Variants in SNX29 observed in about 807,000 individuals in gnomAD.
SNX29 encodes sorting nexin 29.
In SNX29, 78 loss-of-function variants were observed where a neutral mutation model predicts 102.1. The observed-to-expected ratio is 0.76, with a 90% CI of 0.64 to 0.92. The LOEUF is 0.92. Among genes scored for constraint, SNX29 ranks in the 40% least tolerant of loss-of-function variants. The pLI is 0.00. For missense variants in SNX29, 1,280 were observed against 1,061.7 expected (o/e 1.21, Z -2.86); for synonymous variants, 580 against 414.5 (o/e 1.40, Z -4.85).
At chr16:12,027,205 G>C (rs879833251) in intron 3 of SNX29, 115 bp from the exon 4 acceptor site, 312 of 1,300,552 alleles carry the variant, frequency 2.4e-4, no homozygotes, top group Non-Finnish European at 3.2e-4. Context: ...TCTCCTGTCT[G>C]CCTTCACGCT....
At chr16:12,527,952 G>A (rs957275796) in intron 20 of SNX29, among the ~76,000 whole-genome samples, 1 of 150,400 alleles carries the variant, frequency 6.6e-6, no homozygotes, top group Non-Finnish European at 1.5e-5. Flanking sequence ...AGCCTCCCGA[G>A]TAGCTGGGAC....
chr16:12,516,207 T>C (rs2089857060), intron 19 of SNX29, among the ~76,000 whole-genome samples: 1 of 152,028 alleles, frequency 6.6e-6, no homozygotes, highest in Admixed American at 6.6e-5. Context: ...AGACCAGGCG[T>C]GGTGGCTCAC....
intron 19 of SNX29, among the ~76,000 whole-genome samples, chr16:12,517,807 G>A (rs1249516536): frequency 1.3e-5 from 2 of 152,114 alleles, no homozygotes; most frequent in East Asian, 3.9e-4. Flanking sequence ...CTGGATCAGA[G>A]AGGGCCTGGG....
At chr16:12,432,306 T>C (rs1347078565) in intron 18 of SNX29, among the ~76,000 whole-genome samples, 6 of 152,238 alleles carry the variant, frequency 3.9e-5, no homozygotes, top group African/African-American at 1.4e-4. Flanking sequence ...TGACCCTGGT[T>C]CTCCAGAAAC....
chr16:12,558,211 C>T (rs1013958883), intron 20 of SNX29, among the ~76,000 whole-genome samples: 3 of 116,822 alleles, frequency 2.6e-5, no homozygotes, highest in South Asian at 6.1e-4. Context: ...CCAGCAGAAC[C>T]ATCACAGAGC....
chr16:12,040,328 T>C (rs991763649), intron 4 of SNX29, among the ~76,000 whole-genome samples: 2 of 152,082 alleles, frequency 1.3e-5, no homozygotes, highest in African/African-American at 4.8e-5. Flanking sequence ...CAGTGAGCTG[T>C]CCAGCCTGGG....
intron 14 of SNX29, among the ~76,000 whole-genome samples, chr16:12,234,607 T>C (rs958734844): frequency 3.3e-5 from 5 of 152,236 alleles, no homozygotes; most frequent in African/African-American, 1.2e-4. Flanking sequence ...TCATGTACTT[T>C]TGGCATCATA....
intron 15 of SNX29, among the ~76,000 whole-genome samples, chr16:12,320,208 G>A (rs1352449156): frequency 6.6e-6 from 1 of 152,156 alleles, no homozygotes; most frequent in Admixed American, 6.5e-5. Context: ...CTCTGTGCAG[G>A]TGTCCTTCCA....
intron 16 of SNX29, among the ~76,000 whole-genome samples, chr16:12,379,423 A>G (rs4781218): frequency 0.66 from 100,929 of 152,096 alleles, 33,751 homozygotes; most frequent in East Asian, 0.73. Context: ...ATTCCCAGCC[A>G]TTTTCCTTTC....
chr16:12,214,085 C>T (rs1212602122), intron 14 of SNX29, among the ~76,000 whole-genome samples: 1 of 152,146 alleles, frequency 6.6e-6, no homozygotes, highest in Non-Finnish European at 1.5e-5. Flanking sequence ...GTCTCTCTGG[C>T]GACCTCCATT....
At chr16:12,301,551 T>G (rs1010963251) in intron 15 of SNX29, among the ~76,000 whole-genome samples, 1 of 152,270 alleles carries the variant, frequency 6.6e-6, no homozygotes, top group Non-Finnish European at 1.5e-5. Flanking sequence ...TCTGTCTGAC[T>G]AATCCATTGT....
rs1171713541 is a variant in SNX29, at chr16:12,569,573, A to C, written c.*944A>C. The C allele has an allele frequency of 4.3e-6, 1 of 230,668 alleles. No homozygotes were observed. The highest frequency in any genetic ancestry group is 8.6e-6 in the Non-Finnish European group (1 of 116,524). The allele number at this position is 230,668 out of a possible 1,614,324, so 14.3% of individuals were successfully genotyped here. On this transcript the variant is annotated 3_prime_UTR_variant, in exon 21 of 21. Coordinates refer to ENST00000566228, the MANE Select transcript of SNX29 (RefSeq NM_032167.5). ...TAACAGATCATGTGTCTCTCCACTA[A>C]AAACATTTTCCATCCCGTCTGCCCC...
chr16:12,319,036 G>A (rs1596888143), intron 15 of SNX29, among the ~76,000 whole-genome samples: 2 of 152,268 alleles, frequency 1.3e-5, no homozygotes, highest in South Asian at 4.1e-4. Flanking sequence ...GAGGCCTGGG[G>A]AGTTTCTTCA....
At chr16:12,187,396 AGT>A (rs1357592445) in intron 13 of SNX29, among the ~76,000 whole-genome samples, 1 of 152,188 alleles carries the variant, frequency 6.6e-6, no homozygotes, top group Non-Finnish European at 1.5e-5. Flanking sequence ...CTCTACTAAA[AGT>A]ACAAAATTAG....
At chr16:12,279,641 G>A (rs1488536181) in intron 15 of SNX29, among the ~76,000 whole-genome samples, 1 of 152,222 alleles carries the variant, frequency 6.6e-6, no homozygotes, top group African/African-American at 2.4e-5. Context: ...CCCAATCTCA[G>A]GATTGGGACG....
intron 14 of SNX29, among the ~76,000 whole-genome samples, chr16:12,269,478 TCTTACTGACCTATCTTTCTACATTGTG>T (rs1288913339): frequency 6.6e-6 from 1 of 152,114 alleles, no homozygotes; most frequent in Admixed American, 6.5e-5. Flanking sequence ...ATAAGATAGG[TCTTACTGACCTATCTTTCTACATTGTG>T]CTTAAAGCAC....
chr16:12,074,206 G>A (rs1051988976), intron 10 of SNX29, among the ~76,000 whole-genome samples: 9 of 151,338 alleles, frequency 5.9e-5, no homozygotes, highest in African/African-American at 1.9e-4. Flanking sequence ...ATTTGATCCT[G>A]TCATTATGAT....
At chr16:12,558,615 G>C (rs1213558232) in intron 20 of SNX29, among the ~76,000 whole-genome samples, 2 of 152,178 alleles carry the variant, frequency 1.3e-5, no homozygotes, top group African/African-American at 4.8e-5. Flanking sequence ...TGCTCACACA[G>C]TGCAGGCCCC....
intron 13 of SNX29, among the ~76,000 whole-genome samples, chr16:12,162,803 A>C (rs1198757111): frequency 1.3e-5 from 2 of 152,186 alleles, no homozygotes; most frequent in African/African-American, 2.4e-5. Context: ...TGCCTGTTCC[A>C]TGCAGGTCAT....
Sources: gnomAD v4.1 joint callset for allele counts (sites outside exome capture counted in the v4.1 genomes callset) on GRCh38, gnomAD v4.1.1 for gene constraint, MANE v1.5 for transcripts, NCBI Gene and HGNC (gene_info 2026-07-23, HGNC 2026-07-21) for gene names.